The following NECAB2 variants were observed in gnomAD, a reference collection of about 807,000 sequenced individuals.
NECAB2 encodes N-terminal EF-hand calcium-binding protein 2.
NECAB2 carries 68 observed loss-of-function variants against 51.9 expected under a neutral mutation model. The ratio of observed to expected loss-of-function variants is 1.31; its 90% CI spans 1.08 to 1.60. The LOEUF (loss-of-function observed/expected upper bound fraction) is 1.60. Among genes scored for constraint, NECAB2 ranks in the 40% most tolerant of loss-of-function variants. The pLI is 0.00. For missense variants in NECAB2, 854 were observed against 490.3 expected (o/e 1.74, Z -7.00); for synonymous variants, 329 against 203.5 (o/e 1.62, Z -5.25).
chr16:83,998,570 G>C (rs971543376), intron 10 of NECAB2, among the ~76,000 whole-genome samples: 1 of 152,218 alleles, frequency 6.6e-6, no homozygotes, highest in African/African-American at 2.4e-5. Context: ...AGGACTCCTT[G>C]CTGGGGTGAT....
chr16:83,966,946 C>T (rs1281687904), upstream of NECAB2, among the ~76,000 whole-genome samples: 1 of 152,024 alleles, frequency 6.6e-6, no homozygotes, highest in Non-Finnish European at 1.5e-5. Flanking sequence ...GCGCTTGGTT[C>T]ACTACAACCT....
chr16:84,000,914 A>T (rs2084818339), intron 11 of NECAB2, 113 bp downstream of exon 11: 2 of 1,041,834 alleles, frequency 1.9e-6, no homozygotes, highest in South Asian at 2.7e-5. Context: ...CAGTCAGCAG[A>T]TTCCCGAGGC....
At chr16:83,971,767 G>A in intron 1 of NECAB2, 1 of 335,426 alleles carries the variant, frequency 3.0e-6, no homozygotes, top group African/African-American at 2.1e-5. Flanking sequence ...AAAGGTTGTG[G>A]CGCTCCCTGG....
intron 5 of NECAB2, among the ~76,000 whole-genome samples, chr16:83,986,649 A>AAC (rs2084560404): frequency 6.6e-6 from 1 of 151,466 alleles, no homozygotes; most frequent in Non-Finnish European, 1.5e-5. Flanking sequence ...AGTAGCTGGG[A>AAC]ACACAGGTGG....
chr16:84,001,673 C>T, intron 11 of NECAB2, 152 bp from the exon 12 acceptor site: 1 of 617,342 alleles, frequency 1.6e-6, no homozygotes, highest in East Asian at 3.4e-5. Context: ...CCCTGGGCAC[C>T]CCCTCACCTT....
rs181627789 is a variant in NECAB2 at position 84,000,624 on chromosome 16, G to T, written c.963-100G>T. The T allele has an allele frequency of 6.9e-6, 6 of 865,778 alleles. 1 individual carries two copies. The highest frequency in any genetic ancestry group is 2.3e-4 in the Middle Eastern group (1 of 4,294). The allele number at this position is 865,778 out of a possible 1,614,324, so 53.6% of individuals were successfully genotyped here. ...ACAGGAAGAAACATTGAAGGCAGCCGTTGTGTATAGTGGTGGGTCTCAGGC... is the reference window on the plus strand; with the variant it reads ...ACAGGAAGAAACATTGAAGGCAGCCTTTGTGTATAGTGGTGGGTCTCAGGC... On this transcript the variant is annotated intron_variant, in intron 10 of 12. Transcript: ENST00000305202.
Position 83,970,456 on chromosome 16 carries a change from A to C in NECAB2, c.201+1607A>C, listed in dbSNP as rs112049045. 3.4e-3 allele frequency among the ~76,000 whole-genome samples: 516 copies of C among 152,244 alleles called. 7 individuals are homozygous for C. Among genetic ancestry groups the C allele is most frequent in the African/African-American group, 0.012 (480 of 41,538 alleles). ...GGGCTTGGGGATCTGAGGTTCAGCC[A>C]GGAGGAGGGGTGATGTTTGAGAGGC... is the stretch of plus-strand genomic sequence containing the variant. On this transcript the variant is annotated intron_variant, in intron 1 of 12. Coordinates refer to ENST00000305202, the MANE Select transcript of NECAB2 (RefSeq NM_019065.3).
chr16:83,997,421 G>T (rs2084725001), intron 9 of NECAB2, 152 bp downstream of exon 9: 2 of 889,570 alleles, frequency 2.2e-6, no homozygotes, highest in Admixed American at 2.3e-5. Context: ...CCCAGACCCT[G>T]CCCTGGCACA....
chr16:83,979,915 G>A lies in NECAB2; in HGVS notation c.336-924G>A, dbSNP rs373846184. Among the ~76,000 whole-genome samples the A allele has an allele frequency of 1.2e-4, 18 of 152,304 alleles. No homozygotes were observed. In the East Asian group the frequency reaches 3.3e-3, roughly 28 times the overall value. ...AAAACAGTGTACAAACCATCAAAAA[G>A]TTTTGTGAAACATGAATTAAAGCAG... On this transcript the variant is annotated intron_variant, in intron 3 of 12. Coordinates refer to ENST00000305202, the MANE Select transcript of NECAB2 (RefSeq NM_019065.3).
In NECAB2 at chr16:83,998,217, G is replaced by A; in HGVS notation, c.862G>A (p.Val288Ile). 2 of 1,610,122 alleles carry A rather than the reference G, an allele frequency of 1.2e-6. No individual in the cohort carries two copies. The highest frequency in any genetic ancestry group is 1.7e-6 in the Non-Finnish European group (2 of 1,179,968). Residue 288 changes from valine to isoleucine, a missense_variant, in exon 10 of 13, where the codon GTC becomes ATC. By Grantham distance (29) the Val-to-Ile change is conservative. Coordinates refer to ENST00000305202, the MANE Select transcript of NECAB2 (RefSeq NM_019065.3). ...EDGTNMHLQL[V>I]RQEMAVCPEQ... ...CTGTGCCCGGCAGCACCTGCAGCTG[G>A]TCCGGCAGGAGATGGCCGTGTGCCC...
At chr16:83,988,974 C>T (rs1261128879) in intron 5 of NECAB2, among the ~76,000 whole-genome samples, 1 of 152,158 alleles carries the variant, frequency 6.6e-6, no homozygotes, top group Non-Finnish European at 1.5e-5. Context: ...ATTTTTTACT[C>T]CCCGGAAAAT....
intron 5 of NECAB2, among the ~76,000 whole-genome samples, chr16:83,985,453 T>C (rs1032519576): frequency 6.7e-6 from 1 of 148,998 alleles, no homozygotes; most frequent in East Asian, 2.0e-4. Context: ...GCCAACATGG[T>C]GAAACCCCGT....
chr16:83,983,344 T>G (rs1638781039), intron 5 of NECAB2, among the ~76,000 whole-genome samples: 1 of 152,202 alleles, frequency 6.6e-6, no homozygotes, highest in Non-Finnish European at 1.5e-5. Flanking sequence ...CTGTCTATCC[T>G]GTGGCATTTC....
intron 2 of NECAB2, among the ~76,000 whole-genome samples, chr16:83,973,827 G>A (rs577032997): frequency 2.0e-4 from 31 of 152,160 alleles, no homozygotes; most frequent in Non-Finnish European, 2.1e-4. Flanking sequence ...GCGTGAGGCT[G>A]TTGGGAATGC....
upstream of NECAB2, among the ~76,000 whole-genome samples, chr16:83,966,670 C>T (rs1339346732): frequency 6.6e-6 from 1 of 152,196 alleles, no homozygotes; most frequent in Admixed American, 6.5e-5. Context: ...CTCCTGCTGG[C>T]CAGGTCTCTG....
At chr16:83,992,319 A>C (rs1285622559) in intron 6 of NECAB2, among the ~76,000 whole-genome samples, 3 of 151,104 alleles carry the variant, frequency 2.0e-5, no homozygotes, top group African/African-American at 7.3e-5. Context: ...TGGTATTTAG[A>C]GAGGAGCGAC....
intron 5 of NECAB2, among the ~76,000 whole-genome samples, chr16:83,990,110 C>G (rs374845784): frequency 6.6e-6 from 1 of 152,210 alleles, no homozygotes; most frequent in African/African-American, 2.4e-5. Flanking sequence ...GCCACCATCA[C>G]CGTCATCTAT....
intron 6 of NECAB2, among the ~76,000 whole-genome samples, chr16:83,991,750 A>T (rs965689572): frequency 6.6e-6 from 1 of 151,188 alleles, no homozygotes; most frequent in Non-Finnish European, 1.5e-5. Context: ...AGGTTCAAGC[A>T]ATTCTCCCAC....
intron 11 of NECAB2, among the ~76,000 whole-genome samples, chr16:84,001,381 T>A (rs4997517): frequency 0.13 from 19,130 of 152,004 alleles, 3,863 homozygotes; most frequent in African/African-American, 0.43. Flanking sequence ...TGGTAAACAC[T>A]CACGGTTTGC....
Sources: allele counts gnomAD v4.1 joint callset (sites outside exome capture counted in the v4.1 genomes callset), GRCh38; gene constraint gnomAD v4.1.1; transcripts MANE v1.5; gene names NCBI Gene and HGNC (gene_info 2026-07-23, HGNC 2026-07-21).